The following KCTD16 variants were observed in gnomAD, a reference collection of about 807,000 sequenced individuals.
KCTD16 encodes BTB/POZ domain-containing protein KCTD16.
In KCTD16, 13 loss-of-function variants were observed where a neutral mutation model predicts 33.2. The observed-to-expected ratio is 0.39, with a 90% CI of 0.25 to 0.62. KCTD16 has a LOEUF of 0.62. KCTD16 is among the 20% of genes least tolerant of loss of function. The pLI is 0.50. For missense variants in KCTD16, 441 were observed against 525.1 expected, an observed-to-expected ratio of 0.84 and a Z score of 1.57; for synonymous variants, 197 against 195.3, an observed-to-expected ratio of 1.01 and a Z score of -0.07.
At position 144,316,532 on chromosome 5, in the gene KCTD16, C is replaced by T. The variant is rs1344585993; in HGVS notation, c.832+108986C>T. Among the ~76,000 whole-genome samples the T allele has an allele frequency of 4.1e-4, 45 of 110,012 alleles. 1 individual carries two copies. In the East Asian group the frequency reaches 4.7e-3, roughly 12 times the overall value. 72.2% of individuals were successfully genotyped at this position (110,012 alleles called of 152,430 possible). On this transcript the variant is annotated intron_variant, in intron 3 of 3. Transcript: ENST00000512467. ...TCTTTTTTTTTTTTTTTTTTTGAGA[C>T]GGAGTTTCACTTTTATTGCCTAGGG...
chr5:144,330,442 A>T (rs537784070), intron 3 of KCTD16, among the ~76,000 whole-genome samples: 23 of 150,822 alleles, frequency 1.5e-4, no homozygotes, highest in African/African-American at 5.6e-4. Flanking sequence ...AAAGACATCT[A>T]AGGCTTTATT....
chr5:144,469,373 C>T (rs566904039), intron 3 of KCTD16, among the ~76,000 whole-genome samples: 1 of 152,304 alleles, frequency 6.6e-6, no homozygotes, highest in African/African-American at 2.4e-5. Flanking sequence ...CCTGAGGCAT[C>T]CAGCTGTAAC....
intron 3 of KCTD16, among the ~76,000 whole-genome samples, chr5:144,430,916 G>A (rs1753444437): frequency 6.6e-6 from 1 of 152,026 alleles, no homozygotes; most frequent in South Asian, 2.1e-4. Flanking sequence ...TAAGGCATAA[G>A]CCTCCTTGAG....
intron 3 of KCTD16, among the ~76,000 whole-genome samples, chr5:144,359,566 A>G (rs1334096165): frequency 6.6e-6 from 1 of 151,794 alleles, no homozygotes. Flanking sequence ...TCATGCTTCT[A>G]TCTCTAGAAC....
intron 3 of KCTD16, among the ~76,000 whole-genome samples, chr5:144,296,030 G>A (rs1756025402): frequency 1.3e-5 from 2 of 152,214 alleles, no homozygotes; most frequent in African/African-American, 4.8e-5. Flanking sequence ...CTAAGTTTGT[G>A]ATAATTTGTC....
At chr5:144,408,096 C>T (rs2126951535) in intron 3 of KCTD16, among the ~76,000 whole-genome samples, 1 of 152,280 alleles carries the variant, frequency 6.6e-6, no homozygotes, top group South Asian at 2.1e-4. Flanking sequence ...ATTTCTGGTC[C>T]TAGATCCTTG....
intron 2 of KCTD16, among the ~76,000 whole-genome samples, chr5:144,187,533 C>T (rs899119799): frequency 8.5e-5 from 13 of 152,080 alleles, no homozygotes; most frequent in African/African-American, 2.9e-4. Context: ...TTGGGTTCCC[C>T]CTTTTCCTCA....
rs1277400067 is a variant in KCTD16, at chr5:144,301,637, G to A, written c.832+94091G>A. Among the ~76,000 whole-genome samples, 20 of 152,128 alleles carry A rather than the reference G, an allele frequency of 1.3e-4. 1 individual carries two copies. Among genetic ancestry groups the A allele is most frequent in the Admixed American group, 1.3e-3 (20 of 15,274 alleles). On this transcript the variant is annotated intron_variant, in intron 3 of 3. Transcript: ENST00000512467. ...TTTAAAAATTCACTTGCACAATGCC[G>A]TCTCGACATAGTGAACAGGATATCT...
chr5:144,335,982 G>A (rs1752481071), intron 3 of KCTD16, among the ~76,000 whole-genome samples: 1 of 152,156 alleles, frequency 6.6e-6, no homozygotes, highest in Non-Finnish European at 1.5e-5. Context: ...CTGTTGGGCA[G>A]GGTTTTCTTG....
intron 3 of KCTD16, among the ~76,000 whole-genome samples, chr5:144,409,878 A>G (rs938185704): frequency 6.6e-6 from 1 of 152,224 alleles, no homozygotes; most frequent in Non-Finnish European, 1.5e-5. Flanking sequence ...AAATATAGTC[A>G]TAAGTACTAT....
chr5:144,293,591 G>A (rs956556805), intron 3 of KCTD16, among the ~76,000 whole-genome samples: 7 of 152,070 alleles, frequency 4.6e-5, no homozygotes, highest in Admixed American at 2.0e-4. Context: ...TCCATCTATA[G>A]AGACCTTCAA....
chr5:144,278,936 G>C (rs1410664611), intron 3 of KCTD16, among the ~76,000 whole-genome samples: 2 of 151,734 alleles, frequency 1.3e-5, no homozygotes, highest in Non-Finnish European at 2.9e-5. Context: ...TTAAAATATT[G>C]GTTTCCAATT....
chr5:144,445,864 TG>T (rs1561610936), intron 3 of KCTD16, among the ~76,000 whole-genome samples: 1 of 151,960 alleles, frequency 6.6e-6, no homozygotes, highest in East Asian at 1.9e-4. Flanking sequence ...TGAGGACTTA[TG>T]GGGGCTAAAC....
At chr5:144,409,896 G>A (rs770035631) in intron 3 of KCTD16, among the ~76,000 whole-genome samples, 5 of 152,182 alleles carry the variant, frequency 3.3e-5, no homozygotes, top group Non-Finnish European at 7.3e-5. Flanking sequence ...TATGGTGGGG[G>A]AGTTTTGTGA....
Position 144,474,208 on chromosome 5 carries a change from A to C in KCTD16, c.*94A>C. ...ATTTTAAAGGAAAAAAATACAACTA[A>C]TGATGCACATTTCTTAGAACACAAT... On this transcript the variant is annotated 3_prime_UTR_variant, in exon 4 of 4. Coordinates refer to ENST00000512467, the MANE Select transcript of KCTD16 (RefSeq NM_020768.4). The C allele has an allele frequency of 1.1e-6, 1 of 931,670 alleles. No individual in the cohort carries two copies. Among genetic ancestry groups the C allele is most frequent in the Non-Finnish European group, 1.6e-6 (1 of 622,708 alleles). 57.7% of individuals were successfully genotyped at this position (931,670 alleles called of 1,614,324 possible).
At chr5:144,210,473 A>G (rs767522994) in intron 3 of KCTD16, among the ~76,000 whole-genome samples, 52 of 152,308 alleles carry the variant, frequency 3.4e-4, no homozygotes, top group Admixed American at 9.8e-4. Flanking sequence ...AGTATTTTAG[A>G]CATGTCCTTT....
chr5:144,205,797 A>T (rs1753152131), intron 2 of KCTD16: 1 of 384,528 alleles, frequency 2.6e-6, no homozygotes. Context: ...TTAACTTAAG[A>T]TACGGAATGA....
At chr5:144,329,957 T>C (rs1406592874) in intron 3 of KCTD16, among the ~76,000 whole-genome samples, 1 of 152,168 alleles carries the variant, frequency 6.6e-6, no homozygotes, top group Non-Finnish European at 1.5e-5. Context: ...ATTCCATGAC[T>C]TCAAAAATTA....
intron 3 of KCTD16, among the ~76,000 whole-genome samples, chr5:144,209,492 A>T (rs1561529998): frequency 6.6e-6 from 1 of 152,114 alleles, no homozygotes; most frequent in Non-Finnish European, 1.5e-5. Flanking sequence ...CTTGCAAATG[A>T]TATACTTCCC....
Sources: allele counts gnomAD v4.1 joint callset (sites outside exome capture counted in the v4.1 genomes callset), GRCh38; gene constraint gnomAD v4.1.1; transcripts MANE v1.5; gene names NCBI Gene and HGNC (gene_info 2026-07-23, HGNC 2026-07-21).